SKAP1: variants seen among roughly 807,000 people sequenced by gnomAD.
SKAP1 encodes the protein src kinase associated phosphoprotein 1.
In SKAP1, 44 loss-of-function variants were observed where a neutral mutation model predicts 58.5. The observed-to-expected ratio is 0.75, with a 90% CI of 0.59 to 0.97. SKAP1 has a LOEUF of 0.97. Among genes scored for constraint, SKAP1 ranks in the 50% least tolerant of loss-of-function variants. The pLI is 0.00. For missense variants in SKAP1, 390 were observed against 435.2 expected, an observed-to-expected ratio of 0.90 and a Z score of 0.92; for synonymous variants, 127 against 149.7, an observed-to-expected ratio of 0.85 and a Z score of 1.11.
At chr17:48,383,382 T>C (rs2067240571) in intron 2 of SKAP1, among the ~76,000 whole-genome samples, 1 of 152,096 alleles carries the variant, frequency 6.6e-6, no homozygotes, top group Non-Finnish European at 1.5e-5. Context: ...ATCTGAAAAA[T>C]GGAAGTTGTT....
intron 6 of SKAP1, 114 bp downstream of exon 6, chr17:48,187,729 G>T: frequency 1.5e-6 from 1 of 660,776 alleles, no homozygotes; most frequent in Non-Finnish European, 2.6e-6. Flanking sequence ...TCCTAAGCAT[G>T]TCCCTTTATG....
At chr17:48,369,006 G>C (rs2067047617) in intron 2 of SKAP1, among the ~76,000 whole-genome samples, 1 of 152,062 alleles carries the variant, frequency 6.6e-6, no homozygotes, top group South Asian at 2.1e-4. Flanking sequence ...AATTAGCTGG[G>C]CGTAGTGGCG....
intron 11 of SKAP1, among the ~76,000 whole-genome samples, chr17:48,140,047 C>T (rs914110450): frequency 1.3e-5 from 2 of 152,168 alleles, no homozygotes; most frequent in Non-Finnish European, 2.9e-5. Context: ...AAATAGCTGC[C>T]ACTGATGTCT....
chr17:48,210,828 C>A (rs1473936909), intron 4 of SKAP1, among the ~76,000 whole-genome samples: 1 of 152,180 alleles, frequency 6.6e-6, no homozygotes, highest in Non-Finnish European at 1.5e-5. Flanking sequence ...TGGTATCTTT[C>A]CCATTCTATT....
chr17:48,421,491 G>T lies in SKAP1; in HGVS notation c.46+8584C>A, dbSNP rs189956871. On this transcript the variant is annotated intron_variant, in intron 1 of 12. Transcript: ENST00000336915. Reference sequence around the variant, plus strand: ...GATAATTTTTTGTATTTTTAGTAGAGACGGGGTTTCACCATCTTGGCCAGG... The same window carrying T: ...GATAATTTTTTGTATTTTTAGTAGATACGGGGTTTCACCATCTTGGCCAGG... Among the ~76,000 whole-genome samples, 75 of 152,026 alleles carry T rather than the reference G, an allele frequency of 4.9e-4. 1 individual carries two copies. Among genetic ancestry groups the T allele is most frequent in the Admixed American group, 1.3e-3 (20 of 15,264 alleles).
intron 4 of SKAP1, among the ~76,000 whole-genome samples, chr17:48,257,996 A>C (rs148021068): frequency 6.6e-6 from 1 of 152,032 alleles, no homozygotes; most frequent in South Asian, 2.1e-4. Context: ...GCTGAGGACA[A>C]TCACCTTCTG....
At chr17:48,192,442 G>C (rs187977647) in intron 4 of SKAP1, among the ~76,000 whole-genome samples, 1 of 152,106 alleles carries the variant, frequency 6.6e-6, no homozygotes, top group East Asian at 1.9e-4. Context: ...CCATTTTATG[G>C]AACATCTATA....
At chr17:48,380,099 G>A (rs1010039811) in intron 2 of SKAP1, 11 of 152,310 alleles carry the variant, frequency 7.2e-5, no homozygotes, top group African/African-American at 2.2e-4. Context: ...TAATGACTAC[G>A]TGACCAGCTC....
intron 4 of SKAP1, among the ~76,000 whole-genome samples, chr17:48,195,296 G>T (rs1284934144): frequency 1.3e-5 from 2 of 152,174 alleles, no homozygotes; most frequent in African/African-American, 2.4e-5. Context: ...CTGGCAGGAA[G>T]TGTCATCTTC....
At chr17:48,330,707 G>A (rs1294840736) in intron 4 of SKAP1, among the ~76,000 whole-genome samples, 2 of 152,180 alleles carry the variant, frequency 1.3e-5, no homozygotes, top group Non-Finnish European at 2.9e-5. Context: ...TTATTTGCTT[G>A]AGTTGTCTCG....
At chr17:48,434,190 T>G (rs753358390), upstream of SKAP1, among the ~76,000 whole-genome samples, 62 of 152,298 alleles carry the variant, frequency 4.1e-4, no homozygotes, top group Non-Finnish European at 7.9e-4. Context: ...ACTCTTTTAT[T>G]GACAATGCTG....
At chr17:48,181,050 A>G (rs1450000856) in intron 8 of SKAP1, among the ~76,000 whole-genome samples, 2 of 152,070 alleles carry the variant, frequency 1.3e-5, no homozygotes, top group Admixed American at 6.5e-5. Flanking sequence ...CCTCTGCAGG[A>G]TGGGTGAGTG....
chr17:48,407,927 AG>A (rs1003438698), intron 1 of SKAP1, among the ~76,000 whole-genome samples: 29 of 151,666 alleles, frequency 1.9e-4, no homozygotes, highest in Admixed American at 5.9e-4. Flanking sequence ...AATTTTTCAG[AG>A]GGGGGGGAAT....
At chr17:48,165,462 A>G (rs1474379646) in intron 10 of SKAP1, among the ~76,000 whole-genome samples, 2 of 147,052 alleles carry the variant, frequency 1.4e-5, no homozygotes, top group African/African-American at 5.1e-5. Context: ...GTGTAATGGC[A>G]TGATCTCGGC....
intron 4 of SKAP1, among the ~76,000 whole-genome samples, chr17:48,220,038 C>A (rs553943036): frequency 6.6e-6 from 1 of 152,346 alleles, no homozygotes; most frequent in East Asian, 1.9e-4. Context: ...TTAAGAAACA[C>A]TGACAATACC....
At chr17:48,161,081 G>A (rs928787419) in intron 11 of SKAP1, among the ~76,000 whole-genome samples, 2 of 152,154 alleles carry the variant, frequency 1.3e-5, no homozygotes, top group African/African-American at 4.8e-5. Flanking sequence ...GGTTGGATTT[G>A]AATTGGGTCC....
intron 4 of SKAP1, 46 bp downstream of exon 4, chr17:48,345,859 T>C (rs191785993): frequency 3.8e-4 from 505 of 1,313,764 alleles, no homozygotes; most frequent in Non-Finnish European, 5.3e-4. Flanking sequence ...GGCCAGAAGA[T>C]AATGAAGTAT....
Position 48,278,529 on chromosome 17 carries a change from A to G in SKAP1, c.280+67376T>C, listed in dbSNP as rs550762700. ...TCTTCCAGATGTGTTAATTATGTTGAACCTAATGCTAAGGATAGCAAAAGT... is the reference window on the plus strand; with the variant it reads ...TCTTCCAGATGTGTTAATTATGTTGGACCTAATGCTAAGGATAGCAAAAGT... On this transcript the variant is annotated intron_variant, in intron 4 of 12. Transcript: ENST00000336915. Among the ~76,000 whole-genome samples the G allele has an allele frequency of 6.6e-5, 10 of 152,358 alleles. No homozygotes were observed. In the South Asian group the frequency reaches 2.1e-3, roughly 32 times the overall value.
intron 4 of SKAP1, among the ~76,000 whole-genome samples, chr17:48,225,252 C>T (rs751627102): frequency 3.1e-4 from 47 of 152,184 alleles, no homozygotes; most frequent in Non-Finnish European, 4.9e-4. Flanking sequence ...GCTCTTGGCA[C>T]ACACAGTAGG....
Sources: allele counts gnomAD v4.1 joint callset (sites outside exome capture counted in the v4.1 genomes callset), GRCh38; gene constraint gnomAD v4.1.1; transcripts MANE v1.5; gene names NCBI Gene and HGNC (gene_info 2026-07-23, HGNC 2026-07-21).